Variants in PARD6G observed in about 807,000 individuals in gnomAD.
The protein encoded by PARD6G is par-6 family cell polarity regulator gamma.
A neutral mutation model predicts 10.7 loss-of-function variants in PARD6G; 7 were observed. The observed-to-expected ratio is 0.66, with a 90% CI of 0.37 to 1.23. The LOEUF (loss-of-function observed/expected upper bound fraction) is 1.23. Ranked by LOEUF, PARD6G falls within the 50% of genes most tolerant of loss-of-function variation. The pLI, the probability that PARD6G is intolerant of heterozygous loss-of-function variation, is 0.02. For synonymous variants in PARD6G, 287 were observed against 269.4 expected (o/e 1.07, Z -0.64); for missense variants, 548 against 571.8 (o/e 0.96, Z 0.42).
At chr18:80,197,910 T>A (rs1208148097) in intron 2 of PARD6G, among the ~76,000 whole-genome samples, 5 of 152,182 alleles carry the variant, frequency 3.3e-5, no homozygotes, top group African/African-American at 1.2e-4. Context: ...GACCCTCTCA[T>A]CGTGGCCAAT....
intron 2 of PARD6G, among the ~76,000 whole-genome samples, chr18:80,178,995 C>A (rs11661412): frequency 0.19 from 29,076 of 152,020 alleles, 2,934 homozygotes; most frequent in Middle Eastern, 0.31. Context: ...CACGCCAGAG[C>A]CCAGGGAGAG....
chr18:80,176,952 C>G (rs537615571), intron 2 of PARD6G, among the ~76,000 whole-genome samples: 41 of 150,194 alleles, frequency 2.7e-4, no homozygotes, highest in African/African-American at 9.5e-4. Flanking sequence ...CATGCATGCA[C>G]ACACACACAG....
intron 1 of PARD6G, among the ~76,000 whole-genome samples, chr18:80,223,418 A>C (rs746022971): frequency 6.6e-6 from 1 of 152,220 alleles, no homozygotes; most frequent in Non-Finnish European, 1.5e-5. Flanking sequence ...AAAACTCTTA[A>C]AACTCTATAA....
At chr18:80,229,915 A>C (rs1412220515) in intron 1 of PARD6G, among the ~76,000 whole-genome samples, 1 of 152,216 alleles carries the variant, frequency 6.6e-6, no homozygotes, top group African/African-American at 2.4e-5. Context: ...GAGATGCTCC[A>C]GGGACGTGTT....
At chr18:80,219,203 G>GTTT (rs1568440299) in intron 1 of PARD6G, among the ~76,000 whole-genome samples, 64 of 143,122 alleles carry the variant, frequency 4.5e-4, no homozygotes, top group Admixed American at 1.7e-3. Context: ...CAGAAAATAG[G>GTTT]GTTTGTTTGT....
At chr18:80,171,574 C>T (rs1486653866) in intron 2 of PARD6G, 5 of 152,218 alleles carry the variant, frequency 3.3e-5, no homozygotes, top group East Asian at 3.8e-4. Context: ...TAGAGTGGAA[C>T]CATTACCGCT....
At chr18:80,177,921 C>G (rs2052824748) in intron 2 of PARD6G, among the ~76,000 whole-genome samples, 1 of 151,102 alleles carries the variant, frequency 6.6e-6, no homozygotes. Context: ...ATGGGAAGCT[C>G]ACACACACAC....
chr18:80,214,314 A>T (rs1967139209), intron 1 of PARD6G, among the ~76,000 whole-genome samples: 1 of 151,780 alleles, frequency 6.6e-6, no homozygotes, highest in South Asian at 2.1e-4. Flanking sequence ...AAAGACCAAA[A>T]ATTAGCCAGG....
At position 80,162,712 on chromosome 18, in the gene PARD6G, C is replaced by T. The variant is rs1198521198; in HGVS notation, c.296-2106G>A. The T allele has an allele frequency of 2.4e-5, 4 of 166,594 alleles. No individual in the cohort carries two copies. The East Asian group carries it at 7.7e-4, about 32-fold the overall frequency. 10.3% of individuals were successfully genotyped at this position (166,594 alleles called of 1,614,324 possible). A position where few individuals can be genotyped will look rare whatever the true frequency, so the allele number is the denominator to read the frequency against. ...AGAACACCGTGAGACTGGATGTGCA[C>T]AGGATATGATAGGAACAGTGCGGGG... On this transcript the variant is annotated intron_variant, in intron 2 of 2. Coordinates refer to ENST00000353265, the MANE Select transcript of PARD6G (RefSeq NM_032510.4).
rs1016640077 is a variant in PARD6G, at chr18:80,224,825, C to T, written c.73-21893G>A. Among the ~76,000 whole-genome samples, 18 of 150,936 alleles carry T rather than the reference C, an allele frequency of 1.2e-4. 1 individual carries two copies. The highest frequency in any genetic ancestry group is 2.1e-4 in the Non-Finnish European group (14 of 67,894). On this transcript the variant is annotated intron_variant, in intron 1 of 2. Coordinates refer to ENST00000353265, the MANE Select transcript of PARD6G (RefSeq NM_032510.4). ...TCGCGCCACTGCTCTCCAGCCTGGTCGACAGAGTGAGACTCCGTTTCAAAA... is the reference window on the plus strand; with the variant it reads ...TCGCGCCACTGCTCTCCAGCCTGGTTGACAGAGTGAGACTCCGTTTCAAAA...
chr18:80,241,745 A>C (rs1181523857), intron 1 of PARD6G, among the ~76,000 whole-genome samples: 1 of 152,166 alleles, frequency 6.6e-6, no homozygotes, highest in Admixed American at 6.5e-5. Flanking sequence ...GGTGCAGTAG[A>C]AATTTGCCCA....
chr18:80,246,595 C>A lies in PARD6G; in HGVS notation c.72+682G>T, dbSNP rs1310735969. Among the ~76,000 whole-genome samples the A allele has an allele frequency of 2.6e-5, 1 of 38,096 alleles. No individual in the cohort carries two copies. Among genetic ancestry groups the A allele is most frequent in the Admixed American group, 2.6e-4 (1 of 3,878 alleles). The allele number at this position is 38,096 out of a possible 152,430, so 25.0% of individuals were successfully genotyped here. On this transcript the variant is annotated intron_variant, in intron 1 of 2. Transcript: ENST00000353265. This position sits in a 1 kb window ranked among gnomAD's most constrained non-coding sequence, Gnocchi z 6.7. ...GCTGGGTCTGGGGCGGGGGCGCGTC[C>A]GGAGGTGGGGGAGTCTGGGGTGGGG... is the stretch of plus-strand genomic sequence containing the variant.
chr18:80,237,940 G>A (rs1031811503), intron 1 of PARD6G, among the ~76,000 whole-genome samples: 45 of 152,156 alleles, frequency 3.0e-4, no homozygotes, highest in African/African-American at 8.7e-4. Flanking sequence ...TCAGTGTGGC[G>A]ATTCCTCAGG....
rs2052845102 is a variant in PARD6G, at chr18:80,180,873, G to A, written c.296-20267C>T. ...GGAGACATTCTAATTGGCACAAGTT[G>A]GGGGGAAGCTCCTGGTATCTAGACA... On this transcript the variant is annotated intron_variant, in intron 2 of 2. Transcript: ENST00000353265. The surrounding 1 kb of genome is among the most constrained non-coding windows in gnomAD (Gnocchi z 5.6). 6.6e-6 allele frequency among the ~76,000 whole-genome samples: 1 copy of A among 152,156 alleles called. No individual in the cohort carries two copies. The highest frequency in any genetic ancestry group is 1.9e-4 in the East Asian group (1 of 5,188).
At position 80,160,088 on chromosome 18, in the gene PARD6G, C is replaced by G. The variant is rs747520847; in HGVS notation, c.814G>C (p.Gly272Arg). The G allele has an allele frequency of 7.5e-6, 12 of 1,593,486 alleles. No homozygotes were observed. Among genetic ancestry groups the G allele is most frequent in the Non-Finnish European group, 8.5e-6 (10 of 1,170,866 alleles). ...ALGSSGPPSD[G>R]TAGFVGPPAP... ...GGGGGACCCACGAAGCCCGCGGTGC[C>G]GTCCGAGGGCGGTCCCGAGCTGCCC... Residue 272 changes from glycine (G) to arginine (R), a missense_variant, in exon 3 of 3, where the codon GGC (glycine) becomes CGC (arginine). By Grantham distance (125) the Gly-to-Arg change is moderately radical. This residue lies in a region of PARD6G where 313 missense variants were observed against 279.9 expected (regional missense o/e 1.12). Transcript: ENST00000353265.
At chr18:80,226,622 C>T (rs193283513) in intron 1 of PARD6G, among the ~76,000 whole-genome samples, 3 of 152,114 alleles carry the variant, frequency 2.0e-5, no homozygotes, top group Non-Finnish European at 2.9e-5. Context: ...CAGTCTTTTG[C>T]TGGATGTTCC....
At chr18:80,166,356 C>T (rs753023129) in intron 2 of PARD6G, among the ~76,000 whole-genome samples, 2 of 151,322 alleles carry the variant, frequency 1.3e-5, no homozygotes, top group African/African-American at 2.4e-5. Flanking sequence ...CTCAGCAGCC[C>T]CACTGCATTC....
At chr18:80,171,471 T>A (rs1397606172) in intron 2 of PARD6G, 1 of 152,286 alleles carries the variant, frequency 6.6e-6, no homozygotes, top group East Asian at 1.9e-4. Context: ...TCGTTCCCTG[T>A]GCATTTTGTT....
chr18:80,243,561 T>C (rs1414553607), intron 1 of PARD6G, among the ~76,000 whole-genome samples: 7 of 152,164 alleles, frequency 4.6e-5, no homozygotes, highest in Admixed American at 4.6e-4. Flanking sequence ...CCATCATTAT[T>C]TAATCAGGAA....
Sources: gnomAD v4.1 joint callset for allele counts (sites outside exome capture counted in the v4.1 genomes callset) on GRCh38, gnomAD v4.1.1 for gene constraint, gnomAD v4.1.1 regional missense constraint, Gnocchi (gnomAD v3.1) non-coding constraint, MANE v1.5 for transcripts, NCBI Gene and HGNC (gene_info 2026-07-23, HGNC 2026-07-21) for gene names.